The following MACROD2 variants were observed in gnomAD, a reference collection of about 807,000 sequenced individuals.
MACROD2 encodes the protein ADP-ribose glycohydrolase MACROD2.
A neutral mutation model predicts 70.4 loss-of-function variants in MACROD2; 36 were observed. The ratio of observed to expected loss-of-function variants is 0.51; its 90% CI spans 0.39 to 0.68. MACROD2 has a LOEUF of 0.68. MACROD2 is among the 30% of genes least tolerant of loss of function. MACROD2 has a pLI of 0.00. For missense variants in MACROD2, 496 were observed against 538.4 expected (o/e 0.92, Z 0.78); for synonymous variants, 172 against 178.8 (o/e 0.96, Z 0.30).
chr20:14,815,589 G>T (rs1241720430), intron 5 of MACROD2, among the ~76,000 whole-genome samples: 2 of 151,952 alleles, frequency 1.3e-5, no homozygotes, highest in East Asian at 3.9e-4. Context: ...GTCATTCTTA[G>T]AGGTGCTGTT....
intron 8 of MACROD2, among the ~76,000 whole-genome samples, chr20:15,653,582 C>G (rs11906727): frequency 2.0e-5 from 3 of 152,170 alleles, no homozygotes; most frequent in African/African-American, 7.2e-5. Flanking sequence ...TCAGTCTAAA[C>G]TCATAGTAGG....
chr20:15,018,512 G>T (rs1028865512), intron 5 of MACROD2, among the ~76,000 whole-genome samples: 22 of 152,058 alleles, frequency 1.4e-4, no homozygotes, highest in Non-Finnish European at 2.5e-4. Context: ...AGATCTTTGA[G>T]TATCTTTTCA....
At chr20:14,268,120 A>G (rs564385443) in intron 3 of MACROD2, among the ~76,000 whole-genome samples, 5 of 152,254 alleles carry the variant, frequency 3.3e-5, no homozygotes, top group Non-Finnish European at 5.9e-5. Context: ...AGATTTGTCC[A>G]TACTTGTTTC....
chr20:14,248,618 T>G (rs1165080443), intron 3 of MACROD2, among the ~76,000 whole-genome samples: 3 of 152,054 alleles, frequency 2.0e-5, no homozygotes, highest in African/African-American at 7.2e-5. Context: ...AAATATTGTG[T>G]AAAATTACCC....
intron 5 of MACROD2, among the ~76,000 whole-genome samples, chr20:15,022,268 A>G (rs2075193656): frequency 6.6e-6 from 1 of 152,180 alleles, no homozygotes; most frequent in Non-Finnish European, 1.5e-5. Flanking sequence ...TGATTAACCT[A>G]TAATTGCAGG....
intron 8 of MACROD2, among the ~76,000 whole-genome samples, chr20:15,687,007 C>CT (rs112312068): frequency 0.087 from 10,603 of 122,076 alleles, 464 homozygotes; most frequent in East Asian, 0.22. Context: ...TTTTTTTTTT[C>CT]TTTTTTTTTT....
chr20:14,048,664 A>G (rs1202445908), intron 2 of MACROD2, among the ~76,000 whole-genome samples: 1 of 152,162 alleles, frequency 6.6e-6, no homozygotes, highest in Non-Finnish European at 1.5e-5. Flanking sequence ...ATAAATAAAT[A>G]TAGTATTTGG....
Position 15,186,820 on chromosome 20 carries a change from C to T in MACROD2, c.419-43120C>T, listed in dbSNP as rs1040950699. 1.3e-4 allele frequency among the ~76,000 whole-genome samples: 20 copies of T among 152,208 alleles called. No homozygotes were observed. The East Asian group carries it at 1.3e-3, about 10-fold the overall frequency. On this transcript the variant is annotated intron_variant, in intron 5 of 17. Coordinates refer to ENST00000684519, the MANE Select transcript of MACROD2 (RefSeq NM_001351661.2). The stretch of plus-strand genomic sequence containing the variant: ...GTATTTTTGTGTCACACTCCACTTG[C>T]GGATATCTTAGAAGTCTCATTTGTG...
chr20:16,003,256 C>T (rs546526920), intron 15 of MACROD2, among the ~76,000 whole-genome samples: 1 of 152,188 alleles, frequency 6.6e-6, no homozygotes, highest in South Asian at 2.1e-4. Flanking sequence ...AGTGCAAATT[C>T]CTGAGCTCCC....
At chr20:15,495,750 T>C (rs1379576373) in intron 7 of MACROD2, among the ~76,000 whole-genome samples, 1 of 152,230 alleles carries the variant, frequency 6.6e-6, no homozygotes, top group Non-Finnish European at 1.5e-5. Context: ...ATTAATCACA[T>C]ATTTACATAA....
chr20:15,220,588 C>G (rs139982451), intron 5 of MACROD2, among the ~76,000 whole-genome samples: 1 of 152,276 alleles, frequency 6.6e-6, no homozygotes, highest in Non-Finnish European at 1.5e-5. Context: ...CAGAAATGTT[C>G]GTGTTCAAAG....
At chr20:15,726,396 A>G (rs1002650706) in intron 8 of MACROD2, among the ~76,000 whole-genome samples, 1 of 152,120 alleles carries the variant, frequency 6.6e-6, no homozygotes, top group Non-Finnish European at 1.5e-5. Context: ...ATGAACACAC[A>G]TGTACATGTG....
intron 5 of MACROD2, among the ~76,000 whole-genome samples, chr20:14,900,775 C>G (rs986886277): frequency 2.6e-5 from 4 of 151,240 alleles, no homozygotes; most frequent in Admixed American, 6.6e-5. Flanking sequence ...TTGGTTTTCT[C>G]TTTTGTTATT....
chr20:14,322,204 T>A (rs865884148), intron 3 of MACROD2, among the ~76,000 whole-genome samples: 11 of 38,084 alleles, frequency 2.9e-4, no homozygotes, highest in East Asian at 9.7e-4. Context: ...ATATATATTT[T>A]GTATTTTGCA....
At chr20:15,845,113 C>T (rs150653016) in intron 8 of MACROD2, among the ~76,000 whole-genome samples, 21 of 152,172 alleles carry the variant, frequency 1.4e-4, no homozygotes, top group African/African-American at 5.1e-4. Flanking sequence ...CCCCTAAATT[C>T]ATGTCTACTG....
At chr20:14,702,351 A>C (rs889726496) in intron 5 of MACROD2, among the ~76,000 whole-genome samples, 1 of 150,982 alleles carries the variant, frequency 6.6e-6, no homozygotes, top group Non-Finnish European at 1.5e-5. Flanking sequence ...CCCTCTTTCC[A>C]TTCCTTGTCC....
intron 8 of MACROD2, among the ~76,000 whole-genome samples, chr20:15,595,920 G>A (rs1287729177): frequency 2.6e-5 from 4 of 152,028 alleles, no homozygotes; most frequent in South Asian, 2.1e-4. Flanking sequence ...CCCATATTTA[G>A]CATTTAGCAT....
chr20:15,727,797 G>T (rs1013376810), intron 8 of MACROD2, among the ~76,000 whole-genome samples: 2 of 152,004 alleles, frequency 1.3e-5, no homozygotes, highest in African/African-American at 4.8e-5. Flanking sequence ...CTTTGCTGAA[G>T]TTGATTATCA....
chr20:14,979,243 A>C (rs1203524032), intron 5 of MACROD2, among the ~76,000 whole-genome samples: 1 of 151,888 alleles, frequency 6.6e-6, no homozygotes, highest in Non-Finnish European at 1.5e-5. Context: ...GACAGATGTG[A>C]GTGCCTGAGC....
Sources: gnomAD v4.1 joint callset for allele counts (sites outside exome capture counted in the v4.1 genomes callset) on GRCh38, gnomAD v4.1.1 for gene constraint, MANE v1.5 for transcripts, NCBI Gene and HGNC (gene_info 2026-07-23, HGNC 2026-07-21) for gene names.